The following KHDRBS2 variants were observed in gnomAD, a reference collection of about 807,000 sequenced individuals.
KHDRBS2 encodes KH domain-containing, RNA-binding, signal transduction-associated protein 2.
In KHDRBS2, 26 loss-of-function variants were observed where a neutral mutation model predicts 44.3. The ratio of observed to expected loss-of-function variants is 0.59; its 90% CI spans 0.43 to 0.81. The LOEUF is 0.81. KHDRBS2 is among the 40% of genes least tolerant of loss of function. The pLI is 0.00. For synonymous variants in KHDRBS2, 194 were observed against 151.1 expected (o/e 1.28, Z -2.08); for missense variants, 476 against 433.1 (o/e 1.10, Z -0.88).
chr6:61,741,659 A>G (rs573811293), intron 6 of KHDRBS2, among the ~76,000 whole-genome samples: 3 of 152,028 alleles, frequency 2.0e-5, no homozygotes, highest in African/African-American at 7.2e-5. Context: ...CCATTTTTGT[A>G]AGTCAAAAAT....
intron 7 of KHDRBS2, among the ~76,000 whole-genome samples, chr6:61,703,899 A>T (rs968675333): frequency 6.6e-6 from 1 of 151,888 alleles, no homozygotes; most frequent in Non-Finnish European, 1.5e-5. Flanking sequence ...TCTGATGGTT[A>T]TCCTGAATCT....
intron 4 of KHDRBS2, among the ~76,000 whole-genome samples, chr6:61,953,385 A>G (rs553985429): frequency 6.6e-6 from 1 of 152,160 alleles, no homozygotes; most frequent in South Asian, 2.1e-4. Context: ...AAGGATTGGA[A>G]TGGCCAGCAT....
chr6:61,608,318 G>A, the KHDRBS2 span, among the ~76,000 whole-genome samples: 145,159 of 151,828 alleles, frequency 0.96, 69,445 homozygotes, highest in East Asian at 1. Flanking sequence ...ATATATGTGT[G>A]TATATATATA....
intron 6 of KHDRBS2, among the ~76,000 whole-genome samples, chr6:61,782,746 C>CACATAT (rs1316094830): frequency 1.5e-5 from 2 of 135,166 alleles, no homozygotes; most frequent in Admixed American, 7.6e-5. Context: ...TATACACACA[C>CACATAT]ACATATACAT....
chr6:62,015,086 C>G (rs1780971453), intron 3 of KHDRBS2, among the ~76,000 whole-genome samples: 1 of 152,050 alleles, frequency 6.6e-6, no homozygotes, highest in Admixed American at 6.6e-5. Context: ...GTTAATGCAA[C>G]AAGGGACACA....
At chr6:62,008,640 A>G (rs1287838652) in intron 3 of KHDRBS2, among the ~76,000 whole-genome samples, 1 of 152,112 alleles carries the variant, frequency 6.6e-6, no homozygotes, top group Non-Finnish European at 1.5e-5. Flanking sequence ...TAGCTCCCAT[A>G]ATTCCCATGT....
the KHDRBS2 span, among the ~76,000 whole-genome samples, chr6:61,561,413 G>A: frequency 5.1e-4 from 77 of 152,278 alleles, no homozygotes; most frequent in East Asian, 0.013. Context: ...TTAAAAATCA[G>A]TAGGTCCTTC....
chr6:61,941,881 C>T (rs780291804), intron 4 of KHDRBS2, among the ~76,000 whole-genome samples: 8 of 152,048 alleles, frequency 5.3e-5, no homozygotes, highest in Admixed American at 1.3e-4. Context: ...GCACCTCCAA[C>T]GAACATAATA....
chr6:62,283,325 T>G lies in KHDRBS2; in HGVS notation c.91+2533A>C, dbSNP rs1296497173. 2.0e-5 allele frequency among the ~76,000 whole-genome samples: 3 copies of G among 152,110 alleles called. No individual in the cohort carries two copies. The East Asian group carries it at 5.8e-4, about 29-fold the overall frequency. ...CCAAATAAACATCCAACTAGTACTTTCAACCCCACAGCCTTCAATTCTACA... is the reference window on the plus strand; with the variant it reads ...CCAAATAAACATCCAACTAGTACTTGCAACCCCACAGCCTTCAATTCTACA... On this transcript the variant is annotated intron_variant, in intron 1 of 8. Transcript: ENST00000281156.
chr6:61,606,147 G>A, the KHDRBS2 span, among the ~76,000 whole-genome samples: 7 of 152,050 alleles, frequency 4.6e-5, no homozygotes, highest in Non-Finnish European at 8.8e-5. Context: ...CTTATAAAAA[G>A]GCCCCACCCC....
intron 2 of KHDRBS2, among the ~76,000 whole-genome samples, chr6:62,162,313 G>A (rs1817822677): frequency 6.6e-6 from 1 of 152,052 alleles, no homozygotes; most frequent in African/African-American, 2.4e-5. Flanking sequence ...GTGGGAATGT[G>A]TCAATGTATT....
At chr6:62,117,396 TC>T (rs1450760231) in intron 2 of KHDRBS2, among the ~76,000 whole-genome samples, 5 of 152,206 alleles carry the variant, frequency 3.3e-5, no homozygotes, top group Non-Finnish European at 7.3e-5. Flanking sequence ...CATTTGGATA[TC>T]TTTTTTTTGA....
At chr6:62,010,030 T>C (rs1364532814) in intron 3 of KHDRBS2, among the ~76,000 whole-genome samples, 1 of 152,032 alleles carries the variant, frequency 6.6e-6, no homozygotes, top group Non-Finnish European at 1.5e-5. Flanking sequence ...GGTAGGTCCA[T>C]TGACAGCTTG....
intron 6 of KHDRBS2, among the ~76,000 whole-genome samples, chr6:61,804,731 T>C (rs1786859474): frequency 6.6e-6 from 1 of 152,174 alleles, no homozygotes; most frequent in Non-Finnish European, 1.5e-5. Context: ...GAAGCAACAG[T>C]CTGACCTGTA....
rs551192007 is a variant in KHDRBS2 at position 61,710,893 on chromosome 6, C to A, written c.894-13640G>T. 2.1e-5 allele frequency among the ~76,000 whole-genome samples: 3 copies of A among 142,916 alleles called. No homozygotes were observed. The South Asian group carries it at 7.0e-4, about 33-fold the overall frequency. The allele number at this position is 142,916 out of a possible 152,430, so 93.8% of individuals were successfully genotyped here. A position where few individuals can be genotyped will look rare whatever the true frequency, so the allele number is the denominator to read the frequency against. On this transcript the variant is annotated intron_variant, in intron 7 of 8. Transcript: ENST00000281156. The stretch of plus-strand genomic sequence containing the variant: ...TTATAAGGATGTTGTGCGAAAAATG[C>A]AGGCCTCTGAGCCCCATTCTTCAGA...
chr6:61,906,982 C>A (rs1055650486), intron 4 of KHDRBS2, among the ~76,000 whole-genome samples: 3 of 152,062 alleles, frequency 2.0e-5, no homozygotes, highest in Non-Finnish European at 4.4e-5. Context: ...GAGGAACCTC[C>A]ATACTGTTCT....
chr6:61,973,777 C>A (rs1771922379), intron 4 of KHDRBS2, among the ~76,000 whole-genome samples: 1 of 152,076 alleles, frequency 6.6e-6, no homozygotes, highest in Admixed American at 6.6e-5. Flanking sequence ...TTAAGCCTGG[C>A]ATGGCAAAAT....
At chr6:61,909,145 C>A (rs999366812) in intron 4 of KHDRBS2, among the ~76,000 whole-genome samples, 3 of 151,614 alleles carry the variant, frequency 2.0e-5, no homozygotes, top group Admixed American at 6.6e-5. Context: ...CAGCTCACTA[C>A]AAACTCCACC....
At chr6:62,124,976 T>C (rs1318458985) in intron 2 of KHDRBS2, among the ~76,000 whole-genome samples, 1 of 152,238 alleles carries the variant, frequency 6.6e-6, no homozygotes, top group East Asian at 1.9e-4. Flanking sequence ...TTAATTTGCA[T>C]TTCTCTGATA....
Sources: allele counts gnomAD v4.1 joint callset (sites outside exome capture counted in the v4.1 genomes callset), GRCh38; gene constraint gnomAD v4.1.1; transcripts MANE v1.5; gene names NCBI Gene and HGNC (gene_info 2026-07-23, HGNC 2026-07-21).